The following RANBP2 variants were observed in gnomAD, a reference collection of about 807,000 sequenced individuals.
RANBP2 encodes the protein RAN binding protein 2.
RANBP2 carries 57 observed loss-of-function variants against 303.6 expected under a neutral mutation model. The observed-to-expected ratio is 0.19, with a 90% confidence interval of 0.15 to 0.23. RANBP2 has a LOEUF of 0.23. Among genes scored for constraint, RANBP2 ranks in the 10% least tolerant of loss-of-function variants. The pLI is 1.00. For missense variants in RANBP2, 3,138 were observed against 3,780.8 expected (o/e 0.83, Z 4.46); for synonymous variants, 1,167 against 1,301.5 (o/e 0.90, Z 2.23).
chr2:109,285,022 G>T, the RANBP2 span, among the ~76,000 whole-genome samples: 31 of 152,346 alleles, frequency 2.0e-4, no homozygotes, highest in South Asian at 6.2e-3. Flanking sequence ...TTGTCTGTGC[G>T]CTGTGCCGCG....
At chr2:109,590,378 C>T in the RANBP2 span, among the ~76,000 whole-genome samples, 3 of 151,602 alleles carry the variant, frequency 2.0e-5, no homozygotes, top group Admixed American at 6.6e-5. Context: ...AGTCAGTCTT[C>T]GGAAGGGAGA....
the RANBP2 span, among the ~76,000 whole-genome samples, chr2:109,500,941 C>A: frequency 6.6e-6 from 1 of 152,138 alleles, no homozygotes; most frequent in South Asian, 2.1e-4. Flanking sequence ...AAGAGCAAGA[C>A]CCTGTCTCAA....
At chr2:109,635,872 A>G in the RANBP2 span, among the ~76,000 whole-genome samples, 9 of 152,338 alleles carry the variant, frequency 5.9e-5, no homozygotes, top group African/African-American at 2.2e-4. Flanking sequence ...ACAGAATTGT[A>G]TTACGGTTAT....
chr2:109,449,306 G>A, the RANBP2 span: 2 of 1,607,788 alleles, frequency 1.2e-6, no homozygotes, highest in Middle Eastern at 1.7e-4. Context: ...ACAGCCACCA[G>A]CCCCCGGTGC....
At chr2:108,748,866 C>A in intron 8 of RANBP2, 54 bp from the exon 9 acceptor site, 1 of 1,611,664 alleles carries the variant, frequency 6.2e-7, no homozygotes, top group South Asian at 1.1e-5. Context: ...ACAACGTGAG[C>A]AAATACAATC....
the RANBP2 span, among the ~76,000 whole-genome samples, chr2:108,831,721 C>CTTCCTTCCTTCCTTCCTTCT: frequency 6.6e-6 from 1 of 151,814 alleles, no homozygotes; most frequent in South Asian, 2.1e-4. Context: ...TCCTTCCTTC[C>CTTCCTTCCTTCCTTCCTTCT]TTCCTTCCTT....
At chr2:109,482,157 G>A in the RANBP2 span, among the ~76,000 whole-genome samples, 2 of 152,134 alleles carry the variant, frequency 1.3e-5, no homozygotes, top group Admixed American at 6.5e-5. Flanking sequence ...TGTGTCTCTT[G>A]TTCAGCATCT....
chr2:109,668,965 A>C, the RANBP2 span, among the ~76,000 whole-genome samples: 1 of 152,226 alleles, frequency 6.6e-6, no homozygotes, highest in African/African-American at 2.4e-5. Flanking sequence ...TTCAAAATGT[A>C]CTAGGAAGCT....
the RANBP2 span, chr2:108,798,599 C>T: frequency 6.4e-7 from 1 of 1,557,558 alleles, no homozygotes; most frequent in South Asian, 1.2e-5. Context: ...AACTATATAG[C>T]CTTTGATTTT....
the RANBP2 span, among the ~76,000 whole-genome samples, chr2:108,980,056 C>T: frequency 8.2e-6 from 1 of 121,774 alleles, no homozygotes; most frequent in African/African-American, 3.2e-5. Flanking sequence ...CACACTCACA[C>T]TTAACAGATC....
chr2:109,262,339 G>A, the RANBP2 span, among the ~76,000 whole-genome samples: 1 of 152,166 alleles, frequency 6.6e-6, no homozygotes, highest in Non-Finnish European at 1.5e-5. Context: ...CCAGGAGGGT[G>A]GTGCTTTCAC....
the RANBP2 span, among the ~76,000 whole-genome samples, chr2:108,975,499 G>A: frequency 2.0e-5 from 3 of 152,316 alleles, no homozygotes; most frequent in Admixed American, 2.0e-4. Flanking sequence ...GGGTCAACCC[G>A]CGGTAGCTTG....
chr2:109,281,378 G>A, the RANBP2 span, among the ~76,000 whole-genome samples: 2 of 152,350 alleles, frequency 1.3e-5, no homozygotes, highest in East Asian at 3.9e-4. Flanking sequence ...AAAGTGAGGA[G>A]AGGGAAGGAC....
the RANBP2 span, among the ~76,000 whole-genome samples, chr2:109,679,508 A>G: frequency 6.6e-6 from 1 of 152,244 alleles, no homozygotes; most frequent in African/African-American, 2.4e-5. Flanking sequence ...GTGTGTATTT[A>G]AAAAGTAAAA....
chr2:109,029,140 AAAAT>A, the RANBP2 span, among the ~76,000 whole-genome samples: 28 of 152,100 alleles, frequency 1.8e-4, no homozygotes, highest in African/African-American at 4.6e-4. Flanking sequence ...AAAAATAAAT[AAAAT>A]AAATAAATAA....
At chr2:109,248,887 TTCCTG>T in the RANBP2 span, among the ~76,000 whole-genome samples, 69,662 of 145,468 alleles carry the variant, frequency 0.48, 16,957 homozygotes, top group East Asian at 0.54. Flanking sequence ...TTCCTGTCCT[TTCCTG>T]TCCTGTCCTG....
chr2:108,910,562 A>G, the RANBP2 span: 17 of 1,588,116 alleles, frequency 1.1e-5, no homozygotes, highest in East Asian at 3.6e-4. Flanking sequence ...TTGGGGAGAT[A>G]GGAGTTAGAA....
At chr2:109,614,902 A>G in the RANBP2 span, 3 of 1,440,970 alleles carry the variant, frequency 2.1e-6, no homozygotes, top group African/African-American at 1.5e-5. Flanking sequence ...GGCGAGGGAG[A>G]GCCCCCCGCC....
At chr2:109,312,797 C>T in the RANBP2 span, among the ~76,000 whole-genome samples, 1 of 152,240 alleles carries the variant, frequency 6.6e-6, no homozygotes, top group Non-Finnish European at 1.5e-5. Context: ...GCTGTTTCCA[C>T]CTTTTGGCTC....
Sources: gnomAD v4.1 joint callset for allele counts (sites outside exome capture counted in the v4.1 genomes callset) on GRCh38, gnomAD v4.1.1 for gene constraint, MANE v1.5 for transcripts, NCBI Gene and HGNC (gene_info 2026-07-23, HGNC 2026-07-21) for gene names.